ARID4A: variants seen among roughly 807,000 people sequenced by gnomAD.
ARID4A encodes AT-rich interaction domain 4A, also known as AT-rich interactive domain-containing protein 4A.
In ARID4A, 39 loss-of-function variants were observed where a neutral mutation model predicts 148.6. The ratio of observed to expected loss-of-function variants is 0.26; its 90% CI spans 0.20 to 0.34. ARID4A has a LOEUF of 0.34. ARID4A is among the 10% of genes least tolerant of loss of function. The pLI is 1.00. For synonymous variants in ARID4A, 475 were observed against 481.2 expected (o/e 0.99, Z 0.17); for missense variants, 1,265 against 1,449.1 (o/e 0.87, Z 2.06).
At position 58,317,060 on chromosome 14, in the gene ARID4A, A is replaced by G. The variant is rs1174217509; in HGVS notation, c.275-1482A>G. 6.0e-5 allele frequency among the ~76,000 whole-genome samples: 9 copies of G among 149,362 alleles called. No individual in the cohort carries two copies. In the East Asian group the frequency reaches 1.1e-3, roughly 18 times the overall value. ...ACAAAAATATTAGCCGGGCGTGGTG[A>G]CGTGTGCCTGTAGTCCCAGCTACTG... On this transcript the variant is annotated intron_variant, in intron 5 of 23. Coordinates refer to ENST00000355431, the MANE Select transcript of ARID4A (RefSeq NM_002892.4).
At chr14:58,365,670 CA>C in intron 21 of ARID4A, 48 bp downstream of exon 21, 2 of 1,507,620 alleles carry the variant, frequency 1.3e-6, no homozygotes, top group Non-Finnish European at 1.8e-6. Context: ...GTATTTTTAG[CA>C]GTTTGTTGGC....
At chr14:58,353,592 T>C (rs1017723174) in intron 16 of ARID4A, 66 bp from the exon 17 acceptor site, 4 of 1,394,882 alleles carry the variant, frequency 2.9e-6, no homozygotes, top group Non-Finnish European at 4.0e-6. Context: ...CCTGTTGGAT[T>C]CTTTTAGCAT....
chr14:58,355,869 T>A (rs1002905174), intron 17 of ARID4A, among the ~76,000 whole-genome samples: 2 of 152,206 alleles, frequency 1.3e-5, no homozygotes, highest in East Asian at 3.9e-4. Context: ...TCTTTCTCAT[T>A]TTTTTAATGT....
intron 16 of ARID4A, among the ~76,000 whole-genome samples, chr14:58,352,946 A>G (rs1353792409): frequency 6.6e-6 from 1 of 152,220 alleles, no homozygotes; most frequent in African/African-American, 2.4e-5. Context: ...ATAGAATTCA[A>G]CACAAATGTA....
At chr14:58,323,896 CTTTTTTTTT>C (rs545318449) in intron 8 of ARID4A, among the ~76,000 whole-genome samples, 4 of 104,212 alleles carry the variant, frequency 3.8e-5, no homozygotes, top group Non-Finnish European at 8.2e-5. Flanking sequence ...CTTAGGTTCC[CTTTTTTTTT>C]TTTTTTTTTT....
intron 5 of ARID4A, 132 bp downstream of exon 5, chr14:58,306,244 C>T: frequency 1.7e-6 from 1 of 602,918 alleles, no homozygotes; most frequent in Non-Finnish European, 2.8e-6. Context: ...ATATAGCTGA[C>T]TAAAATTCTA....
At chr14:58,366,837 ACAG>A in intron 22 of ARID4A, 43 bp from the exon 23 acceptor site, 1 of 1,386,106 alleles carries the variant, frequency 7.2e-7, no homozygotes, top group South Asian at 1.5e-5. Context: ...CATTTTTCTC[ACAG>A]AATTATTTTA....
At chr14:58,355,408 A>T (rs1011770242) in intron 17 of ARID4A, among the ~76,000 whole-genome samples, 1 of 152,228 alleles carries the variant, frequency 6.6e-6, no homozygotes, top group African/African-American at 2.4e-5. Context: ...CTATACATAC[A>T]TACCTACAAT....
intron 11 of ARID4A, 95 bp from the exon 12 acceptor site, chr14:58,344,584 TTTCAGCTTTATTAAAA>T (rs2140227570): frequency 1.4e-6 from 1 of 719,722 alleles, no homozygotes; most frequent in African/African-American, 1.8e-5. Flanking sequence ...AATTCAGATT[TTTCAGCTTTATTAAAA>T]TTTGATGACT....
intron 5 of ARID4A, among the ~76,000 whole-genome samples, chr14:58,308,859 A>G (rs1946062473): frequency 6.6e-6 from 1 of 152,208 alleles, no homozygotes; most frequent in Admixed American, 6.5e-5. Context: ...TTCATGAGAT[A>G]CCAGAAATTA....
At position 58,366,048 on chromosome 14, in the gene ARID4A, T is replaced by C; in HGVS notation, c.3341T>C (p.Leu1114Pro). Residue 1114 changes from leucine to proline, a missense_variant, in exon 22 of 24, where the codon CTT (leucine) becomes CCT (proline). Transcript: ENST00000355431. The part of the protein sequence containing the change: ...GTGQSSDSED[L>P]PVLDNSSKCT... Reference sequence around the variant, plus strand: ...GGACAAAGCAGTGATAGTGAAGATCTTCCTGTCCTAGACAATTCAAGTAAA... The same window carrying C: ...GGACAAAGCAGTGATAGTGAAGATCCTCCTGTCCTAGACAATTCAAGTAAA... The C allele has an allele frequency of 1.2e-6, 2 of 1,613,178 alleles. No homozygotes were observed. The highest frequency in any genetic ancestry group is 1.7e-6 in the Non-Finnish European group (2 of 1,179,318).
rs1321018266 is a variant in ARID4A, at chr14:58,372,474, C to G, written c.*485C>G. 2 of 226,542 alleles carry G rather than the reference C, an allele frequency of 8.8e-6. No homozygotes were observed. The highest frequency in any genetic ancestry group is 6.5e-5 in the East Asian group (1 of 15,270). 14.0% of individuals were successfully genotyped at this position (226,542 alleles called of 1,614,324 possible). ...TTTTTTATTTTTGTGGAAGCACTTG[C>G]TATTTAGAACTGCCAAAGTATATGT... On this transcript the variant is annotated 3_prime_UTR_variant, in exon 24 of 24. Transcript: ENST00000355431.
chr14:58,300,702 C>A, intron 2 of ARID4A, among the ~76,000 whole-genome samples: 1 of 148,992 alleles, frequency 6.7e-6, no homozygotes, highest in African/African-American at 2.5e-5. Flanking sequence ...TATTAGAAAA[C>A]AAAAAATCAT....
chr14:58,321,953 GTTGTT>G (rs1255228962), intron 7 of ARID4A, among the ~76,000 whole-genome samples: 1 of 75,488 alleles, frequency 1.3e-5, no homozygotes. Context: ...TGTTGTTGTT[GTTGTT>G]TTTTTTGGTT....
At chr14:58,359,420 C>T (rs1301147675) in intron 18 of ARID4A, among the ~76,000 whole-genome samples, 1 of 152,140 alleles carries the variant, frequency 6.6e-6, no homozygotes, top group Non-Finnish European at 1.5e-5. Context: ...ATGTTTGTTA[C>T]AACTGATGTG....
intron 5 of ARID4A, among the ~76,000 whole-genome samples, chr14:58,317,192 CAAAAA>C (rs575688131): frequency 3.3e-5 from 2 of 59,758 alleles, no homozygotes; most frequent in African/African-American, 6.1e-5. Context: ...GACTCAGTCT[CAAAAA>C]AAAAAAAAAA....
intron 11 of ARID4A, among the ~76,000 whole-genome samples, chr14:58,344,377 T>G (rs2034256467): frequency 6.6e-6 from 1 of 152,162 alleles, no homozygotes; most frequent in African/African-American, 2.4e-5. Context: ...AGTATTTAAA[T>G]GGGCTTTAAA....
At chr14:58,346,014 G>A (rs8022300) in intron 12 of ARID4A, among the ~76,000 whole-genome samples, 38,534 of 151,380 alleles carry the variant, frequency 0.25, 6,043 homozygotes, top group Non-Finnish European at 0.35. Flanking sequence ...GGGGTTACAG[G>A]TGTGAGCCAC....
chr14:58,372,448 T>A lies in ARID4A; in HGVS notation c.*459T>A, dbSNP rs2035653884. 4.3e-6 allele frequency: 1 copy of A among 230,284 alleles called. No homozygotes were observed. The highest frequency in any genetic ancestry group is 8.6e-6 in the Non-Finnish European group (1 of 116,538). The allele number at this position is 230,284 out of a possible 1,614,324, so 14.3% of individuals were successfully genotyped here. A position where few individuals can be genotyped will look rare whatever the true frequency, so the allele number is the denominator to read the frequency against. On this transcript the variant is annotated 3_prime_UTR_variant, in exon 24 of 24. Transcript: ENST00000355431. ...ATGTTGTGTTTTTTTTCATTATCGT[T>A]TTTTTTATTTTTGTGGAAGCACTTG...
Sources: allele counts gnomAD v4.1 joint callset (sites outside exome capture counted in the v4.1 genomes callset), GRCh38; gene constraint gnomAD v4.1.1; transcripts MANE v1.5; gene names NCBI Gene and HGNC (gene_info 2026-07-23, HGNC 2026-07-21).